The following GULP1 variants were observed in gnomAD, a reference collection of about 807,000 sequenced individuals.
GULP1 encodes the protein PTB domain-containing engulfment adapter protein 1.
A neutral mutation model predicts 40.9 loss-of-function variants in GULP1; 19 were observed. The ratio of observed to expected loss-of-function variants is 0.46; its 90% confidence interval spans 0.32 to 0.68. GULP1 has a LOEUF of 0.68. Ranked by LOEUF, GULP1 falls within the 30% of genes least tolerant of loss-of-function variation. GULP1 has a pLI of 0.03. For missense variants in GULP1, 312 were observed against 362.2 expected, an observed-to-expected ratio of 0.86 and a Z score of 1.12; for synonymous variants, 119 against 117.6, an observed-to-expected ratio of 1.01 and a Z score of -0.08.
chr2:188,567,991 T>A (rs753453800), intron 7 of GULP1, among the ~76,000 whole-genome samples: 1 of 152,158 alleles, frequency 6.6e-6, no homozygotes, highest in Non-Finnish European at 1.5e-5. Flanking sequence ...ATTTGGTAGT[T>A]TTTATTATAG....
At chr2:188,448,127 T>C (rs1346337656) in intron 2 of GULP1, among the ~76,000 whole-genome samples, 1 of 152,224 alleles carries the variant, frequency 6.6e-6, no homozygotes, top group Admixed American at 6.5e-5. Context: ...TATGGAAGTT[T>C]GATCACTTGT....
At chr2:188,481,194 T>C (rs1559290855) in intron 3 of GULP1, among the ~76,000 whole-genome samples, 1 of 152,000 alleles carries the variant, frequency 6.6e-6, no homozygotes, top group African/African-American at 2.4e-5. Context: ...GAGGAACTCT[T>C]TCTAGAATGT....
At chr2:188,382,898 AAC>A (rs1468075904) in intron 1 of GULP1, among the ~76,000 whole-genome samples, 2 of 152,192 alleles carry the variant, frequency 1.3e-5, no homozygotes, top group Non-Finnish European at 2.9e-5. Flanking sequence ...CTTAGATTGA[AAC>A]ACAGAGGAAG....
chr2:188,465,334 A>G (rs549291047), intron 2 of GULP1, among the ~76,000 whole-genome samples: 1 of 152,088 alleles, frequency 6.6e-6, no homozygotes, highest in African/African-American at 2.4e-5. Context: ...CAGGGGCTGT[A>G]AGACTGACTG....
At chr2:188,479,112 A>G (rs891077607) in intron 3 of GULP1, among the ~76,000 whole-genome samples, 11 of 152,266 alleles carry the variant, frequency 7.2e-5, no homozygotes, top group African/African-American at 2.4e-4. Context: ...AATGAATTCC[A>G]AGAAAGTCAG....
chr2:188,575,435 G>C (rs573290943), intron 9 of GULP1, among the ~76,000 whole-genome samples: 5 of 152,160 alleles, frequency 3.3e-5, no homozygotes, highest in African/African-American at 1.2e-4. Flanking sequence ...TAATAAACAC[G>C]TAAATATTTC....
chr2:188,351,040 A>T (rs536397548), intron 1 of GULP1, among the ~76,000 whole-genome samples: 19 of 152,268 alleles, frequency 1.2e-4, no homozygotes, highest in South Asian at 8.3e-4. Context: ...GACCAATGTA[A>T]GTATTAGGAC....
At chr2:188,497,025 A>G (rs6434286) in intron 4 of GULP1, among the ~76,000 whole-genome samples, 131,762 of 151,950 alleles carry the variant, frequency 0.87, 59,115 homozygotes, top group South Asian at 0.99. Flanking sequence ...TGAGCCAATT[A>G]AACCTCTATT....
intron 4 of GULP1, among the ~76,000 whole-genome samples, chr2:188,487,417 C>G (rs996417944): frequency 2.0e-5 from 3 of 151,922 alleles, no homozygotes; most frequent in Admixed American, 1.3e-4. Flanking sequence ...AGTGAGTATT[C>G]CTTGATTATC....
intron 6 of GULP1, among the ~76,000 whole-genome samples, chr2:188,538,819 A>G (rs1386644296): frequency 2.6e-5 from 4 of 151,994 alleles, no homozygotes; most frequent in Non-Finnish European, 4.4e-5. Flanking sequence ...CATATACATA[A>G]GTGACACACA....
intron 2 of GULP1, among the ~76,000 whole-genome samples, chr2:188,414,617 G>GT (rs1400467294): frequency 1.3e-5 from 2 of 152,154 alleles, no homozygotes; most frequent in African/African-American, 2.4e-5. Context: ...AAAGGCTAAC[G>GT]TGTCAGTAGC....
chr2:188,387,246 A>AG, intron 2 of GULP1, among the ~76,000 whole-genome samples: 1 of 152,098 alleles, frequency 6.6e-6, no homozygotes, highest in East Asian at 1.9e-4. Context: ...AAAAAAAAAA[A>AG]TAAAGAAAAG....
intron 7 of GULP1, 152 bp downstream of exon 7, chr2:188,541,470 T>G (rs772413029): frequency 2.7e-6 from 2 of 729,998 alleles, no homozygotes; most frequent in Admixed American, 4.0e-5. Flanking sequence ...CTAATAGATT[T>G]ATTTTGTCAT....
chr2:188,331,442 G>A (rs1006780003), intron 1 of GULP1, among the ~76,000 whole-genome samples: 3 of 152,134 alleles, frequency 2.0e-5, no homozygotes, highest in Admixed American at 6.5e-5. Flanking sequence ...CACTATCTGT[G>A]GTTAGTGGCT....
At chr2:188,475,915 C>T (rs1267448843) in intron 2 of GULP1, among the ~76,000 whole-genome samples, 3 of 151,962 alleles carry the variant, frequency 2.0e-5, no homozygotes, top group African/African-American at 7.2e-5. Flanking sequence ...ATTGAAAATG[C>T]ATAATTTCTT....
intron 1 of GULP1, among the ~76,000 whole-genome samples, chr2:188,361,993 A>G (rs1361914137): frequency 6.6e-6 from 1 of 152,036 alleles, no homozygotes; most frequent in Non-Finnish European, 1.5e-5. Flanking sequence ...ATTGTTCCTC[A>G]ATTTTAAAAA....
intron 2 of GULP1, among the ~76,000 whole-genome samples, chr2:188,393,621 A>G (rs7597229): frequency 0.92 from 139,352 of 152,122 alleles, 63,950 homozygotes; most frequent in East Asian, 1. Context: ...TATGTTGATC[A>G]TTACCTAGAT....
intron 2 of GULP1, among the ~76,000 whole-genome samples, chr2:188,454,536 C>G (rs1376292242): frequency 6.6e-6 from 1 of 152,182 alleles, no homozygotes; most frequent in African/African-American, 2.4e-5. Flanking sequence ...CCAGGACAGC[C>G]TTTGACTTGA....
At chr2:188,300,244 G>T (rs1257414278) in intron 1 of GULP1, among the ~76,000 whole-genome samples, 1 of 151,936 alleles carries the variant, frequency 6.6e-6, no homozygotes, top group African/African-American at 2.4e-5. Flanking sequence ...TTATGATTTG[G>T]CTCTGCATCT....
Sources: allele counts gnomAD v4.1 joint callset (sites outside exome capture counted in the v4.1 genomes callset), GRCh38; gene constraint gnomAD v4.1.1; transcripts MANE v1.5; gene names NCBI Gene and HGNC (gene_info 2026-07-23, HGNC 2026-07-21).